Variants in CHSY3 observed in about 807,000 individuals in gnomAD.
CHSY3 encodes the protein chondroitin sulfate synthase 3.
A neutral mutation model predicts 67.2 loss-of-function variants in CHSY3; 35 were observed. The observed-to-expected ratio is 0.52, with a 90% confidence interval of 0.40 to 0.69. CHSY3 has a LOEUF of 0.69. Among genes scored for constraint, CHSY3 ranks in the 30% least tolerant of loss-of-function variants. The probability of loss-of-function intolerance (pLI) is 0.00; values close to 1 mark genes in which losing one functional copy is unlikely to be tolerated. For synonymous variants in CHSY3, 474 were observed against 434.7 expected (o/e 1.09, Z -1.12); for missense variants, 1,069 against 1,138.5 (o/e 0.94, Z 0.88).
chr5:129,913,366 G>C (rs947374477), intron 2 of CHSY3, among the ~76,000 whole-genome samples: 26 of 152,188 alleles, frequency 1.7e-4, no homozygotes, highest in African/African-American at 5.8e-4. Context: ...GTGAGACTGA[G>C]AGGCATATTT....
chr5:129,906,325 C>A (rs1760297968), intron 1 of CHSY3, among the ~76,000 whole-genome samples: 1 of 152,114 alleles, frequency 6.6e-6, no homozygotes, highest in African/African-American at 2.4e-5. Context: ...CTCAATAAAA[C>A]CCTGAGAGGA....
chr5:130,092,739 A>C (rs957719348), intron 2 of CHSY3, among the ~76,000 whole-genome samples: 1 of 152,192 alleles, frequency 6.6e-6, no homozygotes, highest in Non-Finnish European at 1.5e-5. Flanking sequence ...GGCTTTAATC[A>C]GGTGCTGTGG....
chr5:130,009,545 A>G (rs765950991), intron 2 of CHSY3, among the ~76,000 whole-genome samples: 56 of 152,042 alleles, frequency 3.7e-4, no homozygotes, highest in Admixed American at 6.6e-5. Context: ...AAAACCACTC[A>G]TTTAATTACA....
At position 130,184,586 on chromosome 5, in the gene CHSY3, C is replaced by A. The variant is rs73788437; in HGVS notation, c.1444C>A (p.Pro482Thr). The change falls in exon 3 of 3, where the codon CCC (proline) becomes ACC (threonine). Residue 482 changes from proline (P) to threonine (T), a missense_variant. By Grantham distance (38) the Pro-to-Thr change is conservative. This residue lies in a region of CHSY3 where 401 missense variants were observed against 395.2 expected (regional missense o/e 1.01). Coordinates refer to ENST00000305031, the MANE Select transcript of CHSY3 (RefSeq NM_175856.5). ...KLLYSAAENQ[P>T]PRQSLSSILR... Reference sequence around the variant, plus strand: ...TCTATACTCAGCAGCTGAGAACCAGCCCCCTCGACAGAGCCTCAGTAGCAT... The same window carrying A: ...TCTATACTCAGCAGCTGAGAACCAGACCCCTCGACAGAGCCTCAGTAGCAT... 4.0e-4 allele frequency: 649 copies of A among 1,611,414 alleles called. 3 individuals are homozygous for A. The African/African-American group carries it at 7.7e-3, about 19-fold the overall frequency.
In CHSY3 at chr5:130,179,726, C is replaced by T. The variant is rs115538108; in HGVS notation, c.1087-4503C>T. On this transcript the variant is annotated intron_variant, in intron 2 of 2. Transcript: ENST00000305031. The stretch of plus-strand genomic sequence containing the variant: ...GCAAAAGGAAGTGGTAGTTTTTCAT[C>T]TAATTTTTTTTTTTTATACTTTGTG... Among the ~76,000 whole-genome samples, 1,128 of 125,462 alleles carry T rather than the reference C, an allele frequency of 9.0e-3. 3 individuals carry two copies. Among genetic ancestry groups the T allele is most frequent in the African/African-American group, 0.025 (1,024 of 40,384 alleles). The allele number at this position is 125,462 out of a possible 152,430, so 82.3% of individuals were successfully genotyped here. A position where few individuals can be genotyped will look rare whatever the true frequency, so the allele number is the denominator to read the frequency against.
chr5:129,970,148 T>A (rs1762597375), intron 2 of CHSY3, among the ~76,000 whole-genome samples: 1 of 151,894 alleles, frequency 6.6e-6, no homozygotes, highest in South Asian at 2.1e-4. Context: ...GTCAGCCTTT[T>A]GTTTGCTTCT....
At chr5:130,180,393 A>G (rs1439728384) in intron 2 of CHSY3, among the ~76,000 whole-genome samples, 1 of 152,084 alleles carries the variant, frequency 6.6e-6, no homozygotes. Flanking sequence ...TTCTTCATAT[A>G]TATATTACAT....
intron 2 of CHSY3, among the ~76,000 whole-genome samples, chr5:130,078,532 AT>A: frequency 6.6e-6 from 1 of 152,270 alleles, no homozygotes; most frequent in East Asian, 1.9e-4. Flanking sequence ...TTTGTCATTG[AT>A]GGGAGTTGAC....
chr5:129,904,674 C>T lies in CHSY3; in HGVS notation c.-156C>T, dbSNP rs1252446059. ...CTGCAGCCCGCGGCAGTCGAGGCGT[C>T]CGCGGCGCTTCGACCTCCAGCCGGT... is the stretch of plus-strand genomic sequence containing the variant. On this transcript the variant is annotated 5_prime_UTR_variant, in exon 1 of 3. Coordinates refer to ENST00000305031, the MANE Select transcript of CHSY3 (RefSeq NM_175856.5). 3 of 1,155,614 alleles carry T rather than the reference C, an allele frequency of 2.6e-6. No individual in the cohort carries two copies. In the African/African-American group the frequency reaches 4.8e-5, roughly 19 times the overall value. The allele number at this position is 1,155,614 out of a possible 1,614,324, so 71.6% of individuals were successfully genotyped here.
In CHSY3 at chr5:130,108,293, C is replaced by T. The variant is rs1043476110; in HGVS notation, c.1087-75936C>T. Among the ~76,000 whole-genome samples, 4 of 151,640 alleles carry T rather than the reference C, an allele frequency of 2.6e-5. No homozygotes were observed. The East Asian group carries it at 7.7e-4, about 29-fold the overall frequency. On this transcript the variant is annotated intron_variant, in intron 2 of 2. Coordinates refer to ENST00000305031, the MANE Select transcript of CHSY3 (RefSeq NM_175856.5). ...TCAAGCTCATATTGGCATTTCCATG[C>T]ATAATTCCAGAGAGCCCTTTCAAAA... is the stretch of plus-strand genomic sequence containing the variant.
At chr5:129,929,965 G>T (rs190219631) in intron 2 of CHSY3, among the ~76,000 whole-genome samples, 3 of 152,084 alleles carry the variant, frequency 2.0e-5, no homozygotes, top group Admixed American at 1.3e-4. Context: ...ATGTTAACTC[G>T]TACAGTAAAA....
chr5:129,908,956 TG>T (rs1482819434), intron 2 of CHSY3, among the ~76,000 whole-genome samples: 1 of 152,152 alleles, frequency 6.6e-6, no homozygotes, highest in East Asian at 1.9e-4. Flanking sequence ...ATGAGTTGTC[TG>T]GAAAAAAGCA....
At chr5:130,061,136 A>G (rs1174039455) in intron 2 of CHSY3, among the ~76,000 whole-genome samples, 1 of 151,986 alleles carries the variant, frequency 6.6e-6, no homozygotes, top group African/African-American at 2.4e-5. Flanking sequence ...AAACCTGGAG[A>G]TCCCACACTG....
intron 2 of CHSY3, among the ~76,000 whole-genome samples, chr5:129,967,766 A>G (rs79316167): frequency 0.016 from 2,415 of 151,946 alleles, 50 homozygotes; most frequent in African/African-American, 0.054. Context: ...ATGTCCACAG[A>G]CAGTATATAC....
chr5:130,015,341 C>T lies in CHSY3; in HGVS notation c.1086+106981C>T, dbSNP rs919100206. On this transcript the variant is annotated intron_variant, in intron 2 of 2. Transcript: ENST00000305031. ...ATAAATTACCCAGTATCAGGTATAT[C>T]TTCACAGCAGTGTGAGAATGGACTA... 2.6e-5 allele frequency among the ~76,000 whole-genome samples: 4 copies of T among 152,224 alleles called. No individual in the cohort carries two copies. In the South Asian group the frequency reaches 8.3e-4, roughly 32 times the overall value.
At chr5:129,908,468 A>G (rs1760405321) in intron 2 of CHSY3, 108 bp downstream of exon 2, 2 of 1,457,328 alleles carry the variant, frequency 1.4e-6, no homozygotes, top group East Asian at 4.8e-5. Flanking sequence ...TATTTACTTG[A>G]AAGTGATAGT....
intron 2 of CHSY3, among the ~76,000 whole-genome samples, chr5:129,930,220 C>G (rs546822967): frequency 1.3e-5 from 2 of 151,780 alleles, no homozygotes; most frequent in African/African-American, 4.8e-5. Context: ...GTAATCCCAG[C>G]TACTCAGGAG....
chr5:129,974,560 T>A lies in CHSY3; in HGVS notation c.1086+66200T>A, dbSNP rs543446630. On this transcript the variant is annotated intron_variant, in intron 2 of 2. Transcript: ENST00000305031. ...AGAAAAAAAAGAAAAAGCCCCTATG[T>A]ACTTATAGTTCCTCAAGGCTGTCAA... 2.0e-5 allele frequency among the ~76,000 whole-genome samples: 3 copies of A among 152,256 alleles called. No individual in the cohort carries two copies. In the South Asian group the frequency reaches 6.2e-4, roughly 32 times the overall value.
intron 2 of CHSY3, among the ~76,000 whole-genome samples, chr5:130,064,687 CAG>C (rs777054866): frequency 2.6e-5 from 4 of 152,268 alleles, no homozygotes; most frequent in East Asian, 1.9e-4. Context: ...AGCCAAATCT[CAG>C]AGAATTCTCA....
Sources: allele counts gnomAD v4.1 joint callset (sites outside exome capture counted in the v4.1 genomes callset), GRCh38; gene constraint gnomAD v4.1.1; regional missense constraint gnomAD v4.1.1; transcripts MANE v1.5; gene names NCBI Gene and HGNC (gene_info 2026-07-23, HGNC 2026-07-21).